Variants in CDH4 observed in about 807,000 individuals in gnomAD.
The protein encoded by CDH4 is cadherin 4.
A neutral mutation model predicts 86.0 loss-of-function variants in CDH4; 33 were observed. The observed-to-expected ratio is 0.38, with a 90% CI of 0.29 to 0.51. CDH4 has a LOEUF of 0.51. Among genes scored for constraint, CDH4 ranks in the 20% least tolerant of loss-of-function variants. The pLI is 0.86. For synonymous variants in CDH4, 555 were observed against 549.4 expected, an observed-to-expected ratio of 1.01 and a Z score of -0.14; for missense variants, 1,114 against 1,307.4, an observed-to-expected ratio of 0.85 and a Z score of 2.28.
chr20:61,631,287 G>A (rs896010655), intron 2 of CDH4, among the ~76,000 whole-genome samples: 8 of 152,180 alleles, frequency 5.3e-5, no homozygotes, highest in Non-Finnish European at 1.2e-4. Context: ...GTCCCGTTTG[G>A]AAGAAAACTA....
chr20:61,905,164 G>C lies in CDH4; in HGVS notation c.1189-5258G>C, dbSNP rs564733218. 1.1e-4 allele frequency among the ~76,000 whole-genome samples: 17 copies of C among 152,292 alleles called. No individual in the cohort carries two copies. The East Asian group carries it at 2.7e-3, about 24-fold the overall frequency. On this transcript the variant is annotated intron_variant, in intron 8 of 15. Transcript: ENST00000614565. ...CAAATACCTGCCTTTTCATCCCAAG[G>C]GGCCTGAGAGGCTTTCCTTGTGTCG...
intron 4 of CDH4, among the ~76,000 whole-genome samples, chr20:61,804,009 A>G (rs553739045): frequency 6.6e-6 from 1 of 152,234 alleles, no homozygotes; most frequent in Non-Finnish European, 1.5e-5. Flanking sequence ...TCTCTTGTCA[A>G]GGAAGTTGCC....
intron 2 of CDH4, among the ~76,000 whole-genome samples, chr20:61,352,325 G>T (rs372879333): frequency 6.6e-6 from 1 of 152,044 alleles, no homozygotes; most frequent in Non-Finnish European, 1.5e-5. Context: ...GTTTTACCTC[G>T]TTTAAAAAAA....
At chr20:61,628,219 C>T (rs1242545396) in intron 2 of CDH4, among the ~76,000 whole-genome samples, 5 of 152,124 alleles carry the variant, frequency 3.3e-5, no homozygotes, top group Non-Finnish European at 5.9e-5. Context: ...CCGGCTGCTG[C>T]GTCGGCCTGA....
chr20:61,409,532 G>T (rs531828428), intron 2 of CDH4, among the ~76,000 whole-genome samples: 7 of 152,332 alleles, frequency 4.6e-5, no homozygotes, highest in Admixed American at 3.3e-4. Flanking sequence ...CGCCTGGGCA[G>T]TCGGGACTCA....
chr20:61,723,928 AGGGG>A (rs1180565547), intron 2 of CDH4, among the ~76,000 whole-genome samples: 10 of 124,044 alleles, frequency 8.1e-5, no homozygotes, highest in South Asian at 3.0e-4. Flanking sequence ...TCCATGTGGC[AGGGG>A]GGTAGGTCCC....
intron 9 of CDH4, among the ~76,000 whole-genome samples, chr20:61,920,189 C>T (rs1354891991): frequency 7.2e-6 from 1 of 139,692 alleles, no homozygotes. Flanking sequence ...TGCGTGGAAG[C>T]GTGGTGTCAT....
intron 4 of CDH4, among the ~76,000 whole-genome samples, chr20:61,839,314 G>A (rs1319588530): frequency 1.3e-5 from 2 of 151,690 alleles, no homozygotes; most frequent in Non-Finnish European, 1.5e-5. Flanking sequence ...ATTGTGTTCT[G>A]TGTGTGTGTG....
chr20:61,298,288 A>G (rs981379397), intron 2 of CDH4, among the ~76,000 whole-genome samples: 1 of 152,126 alleles, frequency 6.6e-6, no homozygotes, highest in Non-Finnish European at 1.5e-5. Flanking sequence ...GATCAATTAA[A>G]TTGAGTGTGT....
intron 2 of CDH4, among the ~76,000 whole-genome samples, chr20:61,458,561 A>G (rs985487682): frequency 1.3e-5 from 2 of 151,968 alleles, no homozygotes; most frequent in Non-Finnish European, 2.9e-5. Context: ...AATGGAGGTG[A>G]TGATAGTGAT....
At chr20:61,827,005 G>GTGTA (rs1981355842) in intron 4 of CDH4, among the ~76,000 whole-genome samples, 1 of 113,356 alleles carries the variant, frequency 8.8e-6, no homozygotes, top group African/African-American at 2.8e-5. Context: ...GTGTGTGTGT[G>GTGTA]TGTGTATGTG....
chr20:61,264,569 T>A (rs1341750825), intron 2 of CDH4, among the ~76,000 whole-genome samples: 1 of 120,628 alleles, frequency 8.3e-6, no homozygotes, highest in African/African-American at 3.4e-5. Context: ...ACCTCAGTGG[T>A]TCCTTCATTC....
intron 2 of CDH4, among the ~76,000 whole-genome samples, chr20:61,435,378 G>T (rs1385385818): frequency 1.3e-5 from 2 of 152,240 alleles, no homozygotes; most frequent in African/African-American, 2.4e-5. Context: ...CAGCCCTGGG[G>T]CATGGCTTCT....
At chr20:61,672,967 A>G (rs79004612) in intron 2 of CDH4, among the ~76,000 whole-genome samples, 1,958 of 152,130 alleles carry the variant, frequency 0.013, 40 homozygotes, top group African/African-American at 0.044. Context: ...GAAGAAGAAG[A>G]AGGAGGCAGG....
At chr20:61,883,054 C>G (rs1280731794) in intron 7 of CDH4, among the ~76,000 whole-genome samples, 1 of 152,128 alleles carries the variant, frequency 6.6e-6, no homozygotes, top group Non-Finnish European at 1.5e-5. Context: ...GGTTTCCTGT[C>G]TCACCCAGAA....
chr20:61,511,168 G>A (rs2085777092), intron 2 of CDH4, among the ~76,000 whole-genome samples: 1 of 152,240 alleles, frequency 6.6e-6, no homozygotes, highest in Non-Finnish European at 1.5e-5. Flanking sequence ...GAATTAGGTA[G>A]AATATACCAG....
At chr20:61,840,239 C>T (rs550164755) in intron 4 of CDH4, among the ~76,000 whole-genome samples, 1 of 152,304 alleles carries the variant, frequency 6.6e-6, no homozygotes, top group African/African-American at 2.4e-5. Flanking sequence ...ACAGGAGGCC[C>T]TGGTGCAGGG....
chr20:61,273,498 G>A lies in CDH4; in HGVS notation c.169+18561G>A, dbSNP rs375230380. On this transcript the variant is annotated intron_variant, in intron 2 of 15. Coordinates refer to ENST00000614565, the MANE Select transcript of CDH4 (RefSeq NM_001794.5). ...TGGGGGAGTATTGGGGGAGTACCAC[G>A]TGCAGTTTGGGGGAGGACCATGTGC... is the stretch of plus-strand genomic sequence containing the variant. Among the ~76,000 whole-genome samples the A allele has an allele frequency of 9.5e-5, 8 of 84,654 alleles. No homozygotes were observed. In the East Asian group the frequency reaches 1.6e-3, roughly 17 times the overall value. The allele number at this position is 84,654 out of a possible 152,430, so 55.5% of individuals were successfully genotyped here.
At chr20:61,425,940 T>G (rs2085212902) in intron 2 of CDH4, among the ~76,000 whole-genome samples, 1 of 152,222 alleles carries the variant, frequency 6.6e-6, no homozygotes, top group African/African-American at 2.4e-5. Flanking sequence ...GAGGTGCTGA[T>G]GTCCTCAGAT....
Sources: allele counts gnomAD v4.1 joint callset (sites outside exome capture counted in the v4.1 genomes callset), GRCh38; gene constraint gnomAD v4.1.1; transcripts MANE v1.5; gene names NCBI Gene and HGNC (gene_info 2026-07-23, HGNC 2026-07-21).